Variants in E2F3 observed in about 807,000 individuals in gnomAD.
E2F3 encodes the protein transcription factor E2F3.
A neutral mutation model predicts 44.4 loss-of-function variants in E2F3; 11 were observed. The observed-to-expected ratio is 0.25, with a 90% CI of 0.16 to 0.41. The LOEUF (loss-of-function observed/expected upper bound fraction) is 0.41, where lower values mean the gene tolerates loss of function less well. E2F3 is among the 10% of genes least tolerant of loss of function. The pLI is 1.00. For missense variants in E2F3, 487 were observed against 583.6 expected, an observed-to-expected ratio of 0.83 and a Z score of 1.70; for synonymous variants, 249 against 253.0, an observed-to-expected ratio of 0.98 and a Z score of 0.15.
chr6:20,455,121 A>T (rs925584307), intron 1 of E2F3, among the ~76,000 whole-genome samples: 3 of 152,220 alleles, frequency 2.0e-5, no homozygotes, highest in Non-Finnish European at 4.4e-5. Flanking sequence ...ATGCAAGAAA[A>T]TGGTCCTGAA....
At chr6:20,485,813 C>T (rs112346880) in intron 4 of E2F3, among the ~76,000 whole-genome samples, 1 of 152,172 alleles carries the variant, frequency 6.6e-6, no homozygotes, top group South Asian at 2.1e-4. Flanking sequence ...AGCCCAGGTG[C>T]ACTTAAGAAA....
chr6:20,444,312 GT>G (rs1760868982), intron 1 of E2F3, among the ~76,000 whole-genome samples: 1 of 152,200 alleles, frequency 6.6e-6, no homozygotes, highest in Non-Finnish European at 1.5e-5. Context: ...ATGTTATGGT[GT>G]TTTTAGGCAA....
In E2F3 at chr6:20,492,681, G is replaced by A. The variant is rs562787983; in HGVS notation, c.*2251G>A. 8.6e-6 allele frequency: 2 copies of A among 231,224 alleles called. No homozygotes were observed. The highest frequency in any genetic ancestry group is 1.7e-5 in the Non-Finnish European group (2 of 116,640). 14.3% of individuals were successfully genotyped at this position (231,224 alleles called of 1,614,324 possible). ...TTGAATTTTTTCATAATGTAATGCC[G>A]TATTTATTGTTTTTAAAATGAAAGG... On this transcript the variant is annotated 3_prime_UTR_variant, in exon 7 of 7. Transcript: ENST00000346618.
chr6:20,477,014 G>T (rs1762067462), intron 1 of E2F3, among the ~76,000 whole-genome samples: 1 of 152,200 alleles, frequency 6.6e-6, no homozygotes, highest in African/African-American at 2.4e-5. Context: ...AGAAACAGAT[G>T]AAATAATTTT....
chr6:20,411,388 C>T (rs1759667096), intron 1 of E2F3, among the ~76,000 whole-genome samples: 1 of 152,068 alleles, frequency 6.6e-6, no homozygotes, highest in Non-Finnish European at 1.5e-5. Context: ...TCTAGGCCTC[C>T]CTTTTCCCTT....
chr6:20,412,016 C>T (rs1759690721), intron 1 of E2F3, among the ~76,000 whole-genome samples: 1 of 152,156 alleles, frequency 6.6e-6, no homozygotes, highest in Non-Finnish European at 1.5e-5. Flanking sequence ...CCCCATTAGT[C>T]CTATTGGGGA....
chr6:20,405,344 A>AT (rs150647270), intron 1 of E2F3, among the ~76,000 whole-genome samples: 1,438 of 108,172 alleles, frequency 0.013, 23 homozygotes, highest in African/African-American at 0.025. Context: ...GGTTATCTGC[A>AT]TTTTTTTTTT....
At position 20,486,734 on chromosome 6, in the gene E2F3, T is replaced by C. The variant is rs1482864031; in HGVS notation, c.930T>C (p.Leu310=). 6.2e-7 allele frequency: 1 copy of C among 1,613,468 alleles called. No homozygotes were observed. The highest frequency in any genetic ancestry group is 1.3e-5 in the African/African-American group (1 of 74,902). ...AAGATATTCGAAAAATTAGTGGCCT[T>C]AAAGACCAAACTGTTATAGTTGTGA... ...TYQDIRKISG[L]KDQTVIVVKA... Residue 310 remains leucine (L), a synonymous_variant, in exon 5 of 7, where the codon CTT becomes CTC. Coordinates refer to ENST00000346618, the MANE Select transcript of E2F3 (RefSeq NM_001949.5).
chr6:20,459,280 C>CA (rs1293205698), intron 1 of E2F3, among the ~76,000 whole-genome samples: 5 of 151,588 alleles, frequency 3.3e-5, no homozygotes, highest in African/African-American at 1.2e-4. Context: ...TGAAAACAAA[C>CA]AAAAAAAGGT....
intron 1 of E2F3, among the ~76,000 whole-genome samples, chr6:20,404,290 A>G (rs1759418449): frequency 6.6e-6 from 1 of 152,140 alleles, no homozygotes; most frequent in Non-Finnish European, 1.5e-5. Flanking sequence ...GATTTAGGTC[A>G]GTATGCGGCT....
chr6:20,439,059 T>C (rs1760685624), intron 1 of E2F3, among the ~76,000 whole-genome samples: 1 of 152,226 alleles, frequency 6.6e-6, no homozygotes, highest in Non-Finnish European at 1.5e-5. Flanking sequence ...ATAAATATTA[T>C]AAAAGAGATT....
At chr6:20,408,892 G>T (rs1207868911) in intron 1 of E2F3, among the ~76,000 whole-genome samples, 1 of 152,186 alleles carries the variant, frequency 6.6e-6, no homozygotes, top group African/African-American at 2.4e-5. Context: ...GATATTCTAG[G>T]TTGGCATGGG....
intron 1 of E2F3, among the ~76,000 whole-genome samples, chr6:20,408,892 G>A (rs1207868911): frequency 6.6e-6 from 1 of 152,186 alleles, no homozygotes; most frequent in Non-Finnish European, 1.5e-5. Flanking sequence ...GATATTCTAG[G>A]TTGGCATGGG....
intron 4 of E2F3, 136 bp downstream of exon 4, chr6:20,483,056 T>G (rs1164011559): frequency 1.9e-6 from 2 of 1,068,464 alleles, no homozygotes; most frequent in Non-Finnish European, 2.6e-6. Context: ...TGTGTGTGTA[T>G]GTGTGTGTGT....
intron 1 of E2F3, among the ~76,000 whole-genome samples, chr6:20,442,544 T>C (rs745700988): frequency 1.4e-4 from 22 of 152,242 alleles, no homozygotes; most frequent in Non-Finnish European, 1.6e-4. Flanking sequence ...AATTTAGAAT[T>C]ATTTGAAGTA....
intron 1 of E2F3, among the ~76,000 whole-genome samples, chr6:20,437,632 T>C (rs936419914): frequency 6.6e-6 from 1 of 152,202 alleles, no homozygotes; most frequent in Non-Finnish European, 1.5e-5. Flanking sequence ...ACCCTATTTT[T>C]GTTAAGGAGA....
At chr6:20,439,065 A>G (rs886979992) in intron 1 of E2F3, among the ~76,000 whole-genome samples, 2 of 152,204 alleles carry the variant, frequency 1.3e-5, no homozygotes, top group African/African-American at 4.8e-5. Context: ...ATTATAAAAG[A>G]GATTTAGAAG....
intron 1 of E2F3, among the ~76,000 whole-genome samples, chr6:20,454,230 A>G (rs1327467785): frequency 6.6e-6 from 1 of 152,234 alleles, no homozygotes; most frequent in African/African-American, 2.4e-5. Flanking sequence ...GCTATCCTTG[A>G]GCTACAGAAT....
chr6:20,447,632 G>T (rs6456351), intron 1 of E2F3, among the ~76,000 whole-genome samples: 1 of 151,922 alleles, frequency 6.6e-6, no homozygotes, highest in Non-Finnish European at 1.5e-5. Context: ...ATATTATGTC[G>T]TCTGGTGCAG....
Sources: gnomAD v4.1 joint callset for allele counts (sites outside exome capture counted in the v4.1 genomes callset) on GRCh38, gnomAD v4.1.1 for gene constraint, MANE v1.5 for transcripts, NCBI Gene and HGNC (gene_info 2026-07-23, HGNC 2026-07-21) for gene names.